Variants in LINGO2 observed in about 807,000 individuals in gnomAD.
The protein encoded by LINGO2 is leucine-rich repeat and immunoglobulin-like domain-containing nogo receptor-interacting protein 2.
A neutral mutation model predicts 30.6 loss-of-function variants in LINGO2; 14 were observed. The observed-to-expected ratio is 0.46, with a 90% CI of 0.30 to 0.72. The LOEUF (loss-of-function observed/expected upper bound fraction) is 0.72. Among genes scored for constraint, LINGO2 ranks in the 30% least tolerant of loss-of-function variants. The pLI is 0.07. For missense variants in LINGO2, 729 were observed against 751.7 expected (o/e 0.97, Z 0.35); for synonymous variants, 317 against 288.5 (o/e 1.10, Z -1.00).
intron 1 of LINGO2, among the ~76,000 whole-genome samples, chr9:28,635,877 G>C (rs555984398): frequency 6.6e-6 from 1 of 152,044 alleles, no homozygotes; most frequent in South Asian, 2.1e-4. Context: ...ACAACGTACA[G>C]GTTTGTTAAA....
chr9:28,297,245 G>A (rs1483295140), intron 3 of LINGO2, among the ~76,000 whole-genome samples: 9 of 152,070 alleles, frequency 5.9e-5, no homozygotes, highest in African/African-American at 2.2e-4. Flanking sequence ...TTATAAAATG[G>A]CTATATTTTA....
chr9:29,072,484 C>G, the LINGO2 span, among the ~76,000 whole-genome samples: 3 of 151,570 alleles, frequency 2.0e-5, no homozygotes. Flanking sequence ...CTCTATACTA[C>G]ATAAATTATA....
intron 3 of LINGO2, among the ~76,000 whole-genome samples, chr9:28,312,107 T>A (rs1408283238): frequency 6.6e-6 from 1 of 151,994 alleles, no homozygotes. Context: ...TGGTTATTAG[T>A]CAAGTATCTA....
chr9:28,597,118 T>C (rs1825221510), intron 1 of LINGO2, among the ~76,000 whole-genome samples: 2 of 152,044 alleles, frequency 1.3e-5, no homozygotes, highest in Non-Finnish European at 2.9e-5. Context: ...AGTAGAGAGG[T>C]TGACATAAGA....
chr9:28,337,314 T>C (rs1430358185), intron 3 of LINGO2, among the ~76,000 whole-genome samples: 1 of 151,990 alleles, frequency 6.6e-6, no homozygotes, highest in Non-Finnish European at 1.5e-5. Flanking sequence ...ATATTAAAAA[T>C]AAAATACAAT....
At chr9:27,950,849 G>A (rs1406598048) in intron 5 of LINGO2, 143 bp from the exon 7 acceptor site, 2 of 417,078 alleles carry the variant, frequency 4.8e-6, no homozygotes, top group South Asian at 1.2e-4. Context: ...CCTGATGGAC[G>A]ACCCTCTTAG....
chr9:28,609,326 A>G (rs1419236901), intron 1 of LINGO2, among the ~76,000 whole-genome samples: 1 of 151,956 alleles, frequency 6.6e-6, no homozygotes, highest in Non-Finnish European at 1.5e-5. Flanking sequence ...ACTTCAAACA[A>G]TGTTCTAACA....
At chr9:29,081,050 G>C in the LINGO2 span, among the ~76,000 whole-genome samples, 1 of 152,086 alleles carries the variant, frequency 6.6e-6, no homozygotes, top group Non-Finnish European at 1.5e-5. Flanking sequence ...ATTAGAAAAA[G>C]AGGGAATCCT....
chr9:29,164,349 T>G, the LINGO2 span, among the ~76,000 whole-genome samples: 1 of 152,150 alleles, frequency 6.6e-6, no homozygotes, highest in East Asian at 1.9e-4. Flanking sequence ...CCGTAGTAGA[T>G]AACATACAAA....
At chr9:28,687,908 T>A in the LINGO2 span, among the ~76,000 whole-genome samples, 2 of 152,084 alleles carry the variant, frequency 1.3e-5, no homozygotes, top group Non-Finnish European at 2.9e-5. Flanking sequence ...CAAATCACAA[T>A]TGAAAAGCTT....
At chr9:28,769,667 T>C in the LINGO2 span, among the ~76,000 whole-genome samples, 1 of 147,856 alleles carries the variant, frequency 6.8e-6, no homozygotes, top group Non-Finnish European at 1.5e-5. Flanking sequence ...GTGTTCTTGG[T>C]TTTTTTTCAG....
intron 1 of LINGO2, among the ~76,000 whole-genome samples, chr9:28,630,470 A>C (rs1033821366): frequency 1.3e-5 from 2 of 152,060 alleles, no homozygotes; most frequent in Non-Finnish European, 2.9e-5. Context: ...TTTTCTTCAG[A>C]GGTTTATATA....
At chr9:28,509,007 T>C (rs1470588692) in intron 1 of LINGO2, among the ~76,000 whole-genome samples, 1 of 152,144 alleles carries the variant, frequency 6.6e-6, no homozygotes, top group Non-Finnish European at 1.5e-5. Flanking sequence ...TCTGCTGCCA[T>C]TTCATATGGT....
intron 5 of LINGO2, among the ~76,000 whole-genome samples, chr9:27,953,411 A>G (rs1234739538): frequency 1.3e-5 from 2 of 152,204 alleles, no homozygotes; most frequent in Admixed American, 6.5e-5. Context: ...AAGCAGCCAT[A>G]CAGTAAAATA....
intron 4 of LINGO2, among the ~76,000 whole-genome samples, chr9:28,218,111 AATTAT>A (rs1447688424): frequency 4.0e-5 from 6 of 148,932 alleles, no homozygotes; most frequent in South Asian, 4.2e-4. Flanking sequence ...CTAATATCAT[AATTAT>A]ATTATATTAT....
intron 4 of LINGO2, among the ~76,000 whole-genome samples, chr9:28,042,307 T>TGCTCC (rs1824231034): frequency 6.6e-6 from 1 of 152,154 alleles, no homozygotes; most frequent in Admixed American, 6.5e-5. Flanking sequence ...CCCTACAACT[T>TGCTCC]GCTCCCTTTT....
intron 2 of LINGO2, among the ~76,000 whole-genome samples, chr9:28,407,001 T>C: frequency 6.6e-6 from 1 of 152,104 alleles, no homozygotes; most frequent in African/African-American, 2.4e-5. Context: ...ACTAAAGAAA[T>C]CTCCAACTGC....
At chr9:28,837,657 T>TATATATATATATATATATAA in the LINGO2 span, among the ~76,000 whole-genome samples, 1 of 103,364 alleles carries the variant, frequency 9.7e-6, no homozygotes, top group Non-Finnish European at 1.9e-5. Flanking sequence ...AAAATATATA[T>TATATATATATATATATATAA]ATACATATAT....
chr9:28,205,845 T>C (rs1415782400), intron 4 of LINGO2, among the ~76,000 whole-genome samples: 1 of 152,144 alleles, frequency 6.6e-6, no homozygotes, highest in Non-Finnish European at 1.5e-5. Context: ...GTCTAAAGTG[T>C]CAGCTTCCCA....
Sources: allele counts gnomAD v4.1 joint callset (sites outside exome capture counted in the v4.1 genomes callset), GRCh38; gene constraint gnomAD v4.1.1; transcripts MANE v1.5; gene names NCBI Gene and HGNC (gene_info 2026-07-23, HGNC 2026-07-21).